CERS6: variants seen among roughly 807,000 people sequenced by gnomAD.
CERS6 encodes the protein ceramide synthase 6.
Under a neutral mutation model 56.8 loss-of-function variants are expected in CERS6, and 26 were observed. The ratio of observed to expected loss-of-function variants is 0.46; its 90% CI spans 0.34 to 0.63. The LOEUF is 0.63. Among genes scored for constraint, CERS6 ranks in the 30% least tolerant of loss-of-function variants. The probability of loss-of-function intolerance (pLI) is 0.01; values close to 1 mark genes in which losing one functional copy is unlikely to be tolerated. For synonymous variants in CERS6, 164 were observed against 173.3 expected (o/e 0.95, Z 0.42); for missense variants, 415 against 467.5 (o/e 0.89, Z 1.04).
At chr2:168,729,923 G>A (rs1019187785) in intron 8 of CERS6, among the ~76,000 whole-genome samples, 1 of 152,324 alleles carries the variant, frequency 6.6e-6, no homozygotes, top group South Asian at 2.1e-4. Context: ...CACAGTGTGG[G>A]TGTTGGGGAT....
At chr2:168,489,697 T>C (rs1037177108) in intron 1 of CERS6, among the ~76,000 whole-genome samples, 1 of 152,122 alleles carries the variant, frequency 6.6e-6, no homozygotes, top group Non-Finnish European at 1.5e-5. Context: ...TATTATATTT[T>C]TATTTCCACA....
chr2:168,598,504 G>C (rs1020666329), intron 3 of CERS6, among the ~76,000 whole-genome samples: 1 of 151,624 alleles, frequency 6.6e-6, no homozygotes, highest in Non-Finnish European at 1.5e-5. Context: ...CAAAAAAATA[G>C]TGGTTTACTG....
chr2:168,528,039 C>T (rs1221529537), intron 1 of CERS6, among the ~76,000 whole-genome samples: 1 of 152,028 alleles, frequency 6.6e-6, no homozygotes, highest in Non-Finnish European at 1.5e-5. Flanking sequence ...GCCCTTTTTA[C>T]ATGACATTAA....
intron 3 of CERS6, among the ~76,000 whole-genome samples, chr2:168,586,458 T>C (rs1224172464): frequency 1.3e-5 from 2 of 152,192 alleles, no homozygotes; most frequent in Non-Finnish European, 2.9e-5. Context: ...CCCAAGTATA[T>C]ATAAGAGGTG....
At chr2:168,668,872 T>G (rs752449639) in intron 4 of CERS6, among the ~76,000 whole-genome samples, 6 of 152,232 alleles carry the variant, frequency 3.9e-5, no homozygotes, top group Non-Finnish European at 8.8e-5. Context: ...GAAATGTTAT[T>G]AGATTTTTTT....
At position 168,621,765 on chromosome 2, in the gene CERS6, C is replaced by A. The variant is rs373354311; in HGVS notation, c.408-9220C>A. Among the ~76,000 whole-genome samples, 14 of 152,236 alleles carry A rather than the reference C, an allele frequency of 9.2e-5. No homozygotes were observed. In the East Asian group the frequency reaches 1.9e-3, roughly 21 times the overall value. ...CTAAAAAACAAAATCAAAGTTAAAT[C>A]TGTGAAATAGAACATAGTGGATTTA... On this transcript the variant is annotated intron_variant, in intron 3 of 9. Transcript: ENST00000305747.
At chr2:168,640,187 G>A (rs1483764287) in intron 4 of CERS6, among the ~76,000 whole-genome samples, 1 of 152,168 alleles carries the variant, frequency 6.6e-6, no homozygotes, top group Non-Finnish European at 1.5e-5. Flanking sequence ...GGATAGTGAT[G>A]TAAGTATTTA....
intron 8 of CERS6, among the ~76,000 whole-genome samples, chr2:168,757,924 G>A (rs561605413): frequency 2.6e-5 from 4 of 152,262 alleles, no homozygotes; most frequent in Admixed American, 1.3e-4. Context: ...ATCGTTCTCA[G>A]CCTTGTAATA....
chr2:168,559,119 T>G (rs755586988), intron 2 of CERS6, among the ~76,000 whole-genome samples: 1 of 152,098 alleles, frequency 6.6e-6, no homozygotes, highest in Admixed American at 6.5e-5. Context: ...CAAGGTATAT[T>G]GTAGGCAATG....
chr2:168,650,597 GCCCCCTTTGTCTATTTATTA>G (rs1198944562), intron 4 of CERS6, among the ~76,000 whole-genome samples: 1 of 151,868 alleles, frequency 6.6e-6, no homozygotes, highest in Non-Finnish European at 1.5e-5. Flanking sequence ...TACTCTCCCA[GCCCCCTTTGTCTATTTATTA>G]CACTCCAAAG....
At chr2:168,760,786 T>C (rs902884196) in intron 8 of CERS6, among the ~76,000 whole-genome samples, 5 of 150,742 alleles carry the variant, frequency 3.3e-5, no homozygotes, top group African/African-American at 7.5e-5. Flanking sequence ...GACGGAGTCT[T>C]GCTCTGTCGC....
At chr2:168,643,823 C>T (rs769658617) in intron 4 of CERS6, among the ~76,000 whole-genome samples, 2 of 152,160 alleles carry the variant, frequency 1.3e-5, no homozygotes, top group South Asian at 2.1e-4. Context: ...TCTATACGCC[C>T]GGATAATTTC....
chr2:168,584,345 C>A (rs921108405), intron 3 of CERS6, among the ~76,000 whole-genome samples: 6 of 152,070 alleles, frequency 3.9e-5, no homozygotes, highest in African/African-American at 7.2e-5. Flanking sequence ...ATTAACAAAC[C>A]TTTTGCTGTT....
At chr2:168,590,865 G>A (rs77335807) in intron 3 of CERS6, among the ~76,000 whole-genome samples, 3,280 of 152,288 alleles carry the variant, frequency 0.022, 132 homozygotes, top group East Asian at 0.18. Flanking sequence ...AAAGCCCATA[G>A]CTAGGAAGGT....
chr2:168,740,644 G>C (rs184266373), intron 8 of CERS6, among the ~76,000 whole-genome samples: 1 of 152,184 alleles, frequency 6.6e-6, no homozygotes, highest in Non-Finnish European at 1.5e-5. Context: ...TTAACTCAGC[G>C]CCTGGGGCAT....
At chr2:168,618,985 A>C (rs1018002784) in intron 3 of CERS6, among the ~76,000 whole-genome samples, 1 of 152,246 alleles carries the variant, frequency 6.6e-6, no homozygotes, top group Non-Finnish European at 1.5e-5. Context: ...CATAGTCACC[A>C]AAACAGCATG....
rs555003154 is a variant in CERS6 at position 168,471,078 on chromosome 2, A to C, written c.170+14460A>C. On this transcript the variant is annotated intron_variant, in intron 1 of 9. Coordinates refer to ENST00000305747, the MANE Select transcript of CERS6 (RefSeq NM_203463.3). ...CACCTGGTTAGTGTCAAGCCATCTA[A>C]GATTGGGCAGAAGGCAAGTAAACCA... Among the ~76,000 whole-genome samples, 63 of 152,298 alleles carry C rather than the reference A, an allele frequency of 4.1e-4. 1 individual carries two copies. In the South Asian group the frequency reaches 0.013, roughly 31 times the overall value.
chr2:168,616,355 A>G (rs1362048929), intron 3 of CERS6, among the ~76,000 whole-genome samples: 2 of 152,260 alleles, frequency 1.3e-5, no homozygotes, highest in African/African-American at 4.8e-5. Context: ...GGCAATAAAT[A>G]GCATAATGAA....
intron 1 of CERS6, among the ~76,000 whole-genome samples, chr2:168,532,716 G>T (rs1545526): frequency 2.5e-4 from 38 of 151,856 alleles, no homozygotes; most frequent in Non-Finnish European, 5.3e-4. Flanking sequence ...TTAATTTTTG[G>T]CATTAAAAAT....
Sources: gnomAD v4.1 joint callset for allele counts (sites outside exome capture counted in the v4.1 genomes callset) on GRCh38, gnomAD v4.1.1 for gene constraint, MANE v1.5 for transcripts, NCBI Gene and HGNC (gene_info 2026-07-23, HGNC 2026-07-21) for gene names.